BRAP: variants seen among roughly 807,000 people sequenced by gnomAD.
The protein encoded by BRAP is BRCA1 associated protein, also known as BRCA1-associated protein.
BRAP carries 42 observed loss-of-function variants against 73.4 expected under a neutral mutation model. That is an observed-to-expected ratio of 0.57 (90% CI 0.45 to 0.74). The LOEUF is 0.74. Ranked by LOEUF, BRAP falls within the 30% of genes least tolerant of loss-of-function variation. BRAP has a pLI of 0.00. For synonymous variants in BRAP, 255 were observed against 267.4 expected, an observed-to-expected ratio of 0.95 and a Z score of 0.45; for missense variants, 593 against 751.4, an observed-to-expected ratio of 0.79 and a Z score of 2.46.
At chr12:111,679,975 T>C (rs1887535868) in intron 3 of BRAP, among the ~76,000 whole-genome samples, 1 of 150,798 alleles carries the variant, frequency 6.6e-6, no homozygotes, top group Non-Finnish European at 1.5e-5. Flanking sequence ...CAGCTCTAAA[T>C]ATACGAGAGA....
chr12:111,661,205 CTT>C (rs1298048828), intron 6 of BRAP, among the ~76,000 whole-genome samples: 1 of 150,498 alleles, frequency 6.6e-6, no homozygotes, highest in Non-Finnish European at 1.5e-5. Flanking sequence ...GTCTCGATCT[CTT>C]GACTTCATGA....
At chr12:111,684,066 A>T (rs618210) in intron 1 of BRAP, among the ~76,000 whole-genome samples, 7,554 of 152,306 alleles carry the variant, frequency 0.05, 264 homozygotes, top group Middle Eastern at 0.13. Context: ...CAAGCCATGA[A>T]CATCTGTGAT....
Position 111,665,740 on chromosome 12 carries a change from C to A in BRAP, c.795G>T (p.Thr265=), listed in dbSNP as rs372474166. The A allele has an allele frequency of 5.0e-6, 8 of 1,614,222 alleles. No individual in the cohort carries two copies. The African/African-American group carries it at 9.3e-5, about 19-fold the overall frequency. Residue 265 remains threonine, a synonymous_variant, in exon 6 of 12, where the codon ACG becomes ACT. Transcript: ENST00000419234. This position sits in a 1 kb window ranked among gnomAD's most constrained non-coding sequence, Gnocchi z 4.3. ...VMDLTELPKC[T]VCLERMDESV... is the part of the protein sequence containing the mutation. ...ACTCGTCCATGCGCTCCAGACACAC[C>A]GTGCACTTGGGGAGTTCAGTCAGGT... is the stretch of plus-strand genomic sequence containing the variant.
intron 11 of BRAP, among the ~76,000 whole-genome samples, chr12:111,649,610 C>T (rs2135894804): frequency 6.6e-6 from 1 of 152,370 alleles, no homozygotes; most frequent in Non-Finnish European, 1.5e-5. Flanking sequence ...TAGACACAGT[C>T]TCGTTCCTAA....
intron 11 of BRAP, among the ~76,000 whole-genome samples, chr12:111,644,839 C>T (rs1203336243): frequency 1.3e-5 from 2 of 152,138 alleles, no homozygotes; most frequent in Admixed American, 6.5e-5. Flanking sequence ...TCACTGCAAC[C>T]TCCACCTCCT....
chr12:111,682,497 C>CAA (rs11366915), intron 2 of BRAP, among the ~76,000 whole-genome samples: 20 of 77,744 alleles, frequency 2.6e-4, no homozygotes, highest in South Asian at 8.2e-4. Context: ...GAGACTGTCT[C>CAA]AAAAAAAAAA....
In BRAP at chr12:111,683,171, G is replaced by A. The variant is rs1398699072; in HGVS notation, c.219C>T (p.Ile73=). The A allele has an allele frequency of 6.2e-7, 1 of 1,614,012 alleles. No individual in the cohort carries two copies. The highest frequency in any genetic ancestry group is 1.3e-5 in the African/African-American group (1 of 75,038). Residue 73 remains isoleucine, a synonymous_variant, in exon 2 of 12, where the codon ATC becomes ATT. Coordinates refer to ENST00000419234, the MANE Select transcript of BRAP (RefSeq NM_006768.5). ...HLGRREMTDV[I]IETMKSNPDE... ...CTGGGTTGGACTTCATGGTCTCAATGATCACATCTGTCATTTCTCGACGGC... is the reference window on the plus strand; with the variant it reads ...CTGGGTTGGACTTCATGGTCTCAATAATCACATCTGTCATTTCTCGACGGC...
At position 111,652,070 on chromosome 12, in the gene BRAP, T is replaced by G. The variant is rs573668067; in HGVS notation, c.1312-2028A>C. Among the ~76,000 whole-genome samples the G allele has an allele frequency of 2.0e-5, 3 of 152,326 alleles. No homozygotes were observed. In the South Asian group the frequency reaches 6.2e-4, roughly 32 times the overall value. On this transcript the variant is annotated intron_variant, in intron 10 of 11. Transcript: ENST00000419234. Reference sequence around the variant, plus strand: ...ACAGAGCACTAGATCCTTTTGAAATTTTCTTCTAAACTGACTCCTGTCAGT... The same window carrying G: ...ACAGAGCACTAGATCCTTTTGAAATGTTCTTCTAAACTGACTCCTGTCAGT...
intron 9 of BRAP, among the ~76,000 whole-genome samples, chr12:111,658,173 G>A (rs556949154): frequency 3.3e-5 from 5 of 151,488 alleles, no homozygotes; most frequent in African/African-American, 4.8e-5. Context: ...CAGGTGATTC[G>A]CCTGCCTCAG....
At chr12:111,662,123 T>C (rs1027875041) in intron 6 of BRAP, among the ~76,000 whole-genome samples, 8 of 152,212 alleles carry the variant, frequency 5.3e-5, no homozygotes. Context: ...ATCCATTAAC[T>C]GTTTTCTATT....
At position 111,679,131 on chromosome 12, in the gene BRAP, A is replaced by T. The variant is rs771771726; in HGVS notation, c.633+20T>A. ...AGTTTCTGTGGCAAAGAGATTTTTA[A>T]TAAATTTAATAACTTTTACCTGTGC... On this transcript the variant is annotated intron_variant, in intron 4 of 11. Transcript: ENST00000419234. The T allele has an allele frequency of 6.9e-7, 1 of 1,444,788 alleles. No homozygotes were observed. The highest frequency in any genetic ancestry group is 2.3e-5 in the Admixed American group (1 of 43,338). 89.5% of individuals were successfully genotyped at this position (1,444,788 alleles called of 1,614,324 possible).
rs192962359 is a variant in BRAP at position 111,650,889 on chromosome 12, T to C, written c.1312-847A>G. Among the ~76,000 whole-genome samples the C allele has an allele frequency of 5.1e-4, 78 of 152,302 alleles. 1 individual carries two copies. The highest frequency in any genetic ancestry group is 1.9e-3 in the African/African-American group (77 of 41,556). On this transcript the variant is annotated intron_variant, in intron 10 of 11. Transcript: ENST00000419234. Reference sequence around the variant, plus strand: ...TAGACTAATTCATATTACACAGCCTTAAAAACATAAGAGAATTAAAAAATT... The same window carrying C: ...TAGACTAATTCATATTACACAGCCTCAAAAACATAAGAGAATTAAAAAATT...
chr12:111,665,684 T>C lies in BRAP; in HGVS notation c.851A>G (p.Asn284Ser). 1 of 1,614,142 alleles carries C rather than the reference T, an allele frequency of 6.2e-7. No homozygotes were observed. The highest frequency in any genetic ancestry group is 8.5e-7 in the Non-Finnish European group (1 of 1,180,022). Residue 284 changes from asparagine to serine, a missense_variant, in exon 6 of 12, where the codon AAC becomes AGC. Coordinates refer to ENST00000419234, the MANE Select transcript of BRAP (RefSeq NM_006768.5). The surrounding 1 kb of genome is among the most constrained non-coding windows in gnomAD (Gnocchi z 4.3). ...TAGACACTGGCTGTGGAAGCTGTGG[T>C]TACATAACGTTGTGAGGATGCCATT... ...SVNGILTTLC[N>S]HSFHSQCLQR... is the part of the protein sequence containing the mutation.
intron 10 of BRAP, among the ~76,000 whole-genome samples, chr12:111,654,563 G>C (rs1886446464): frequency 6.6e-6 from 1 of 152,196 alleles, no homozygotes; most frequent in African/African-American, 2.4e-5. Flanking sequence ...TGATCTGCCT[G>C]CCTCGGCCTC....
At chr12:111,670,505 G>A (rs7966892) in intron 5 of BRAP, 2,461 of 224,110 alleles carry the variant, frequency 0.011, 75 homozygotes, top group African/African-American at 0.054. Flanking sequence ...TTTTAATTTT[G>A]TTTTTTAGAT....
At chr12:111,666,795 T>C (rs752553199) in intron 5 of BRAP, among the ~76,000 whole-genome samples, 3 of 152,130 alleles carry the variant, frequency 2.0e-5, no homozygotes, top group Non-Finnish European at 2.9e-5. Context: ...CACATTAACC[T>C]ACAGTCCCTG....
Position 111,644,059 on chromosome 12 carries a change from A to C in BRAP, c.*140T>G, listed in dbSNP as rs896930665. The C allele has an allele frequency of 7.0e-6, 9 of 1,286,570 alleles. 1 individual carries two copies. The highest frequency in any genetic ancestry group is 6.3e-6 in the Non-Finnish European group (6 of 958,356). 79.7% of individuals were successfully genotyped at this position (1,286,570 alleles called of 1,614,324 possible). On this transcript the variant is annotated 3_prime_UTR_variant, in exon 12 of 12. Transcript: ENST00000419234. ...CTTTACATTCACTACATCACACACT[A>C]GCAAATGAAAGAGCCAAACAACTGT...
intron 4 of BRAP, among the ~76,000 whole-genome samples, chr12:111,674,177 G>A (rs780520103): frequency 1.3e-5 from 2 of 152,140 alleles, no homozygotes; most frequent in East Asian, 3.8e-4. Flanking sequence ...GACACTGTAA[G>A]CTTCTCGATA....
At chr12:111,669,268 T>C (rs1887078526) in intron 5 of BRAP, among the ~76,000 whole-genome samples, 1 of 151,574 alleles carries the variant, frequency 6.6e-6, no homozygotes, top group Admixed American at 6.6e-5. Context: ...TCGCTCTTGT[T>C]GCCCAGGCTG....
Sources: allele counts gnomAD v4.1 joint callset (sites outside exome capture counted in the v4.1 genomes callset), GRCh38; gene constraint gnomAD v4.1.1; non-coding constraint Gnocchi (gnomAD v3.1); transcripts MANE v1.5; gene names NCBI Gene and HGNC (gene_info 2026-07-23, HGNC 2026-07-21).